Variants in ZSCAN25 observed in about 807,000 individuals in gnomAD.
The protein encoded by ZSCAN25 is zinc finger and SCAN domain containing 25.
In ZSCAN25, 27 loss-of-function variants were observed where a neutral mutation model predicts 38.7. The observed-to-expected ratio is 0.70, with a 90% CI of 0.51 to 0.96. ZSCAN25 has a LOEUF of 0.96. Ranked by LOEUF, ZSCAN25 falls within the 40% of genes least tolerant of loss-of-function variation. ZSCAN25 has a pLI of 0.00. For missense variants in ZSCAN25, 637 were observed against 705.9 expected (o/e 0.90, Z 1.11); for synonymous variants, 273 against 277.7 (o/e 0.98, Z 0.17).
the ZSCAN25 span, chr7:99,672,495 CCTT>C: frequency 1.7e-6 from 2 of 1,202,628 alleles, no homozygotes; most frequent in Non-Finnish European, 1.2e-6. Context: ...TTTTAGGTAA[CCTT>C]CTGTGAATAT....
At chr7:99,636,845 TGAA>T (rs1808304927), downstream of ZSCAN25, among the ~76,000 whole-genome samples, 1 of 152,204 alleles carries the variant, frequency 6.6e-6, no homozygotes, top group South Asian at 2.1e-4. Flanking sequence ...TGCTTACACA[TGAA>T]GAAAAATTAA....
chr7:99,658,701 C>T, the ZSCAN25 span: 35 of 152,344 alleles, frequency 2.3e-4, no homozygotes, highest in African/African-American at 6.5e-4. Context: ...CTATTCTCCC[C>T]GTCACTTTCA....
chr7:99,635,844 G>A (rs906867404), downstream of ZSCAN25, among the ~76,000 whole-genome samples: 21 of 151,900 alleles, frequency 1.4e-4, no homozygotes, highest in Admixed American at 8.5e-4. Flanking sequence ...TCAGGAGATC[G>A]AGACCATCCT....
At chr7:99,638,399 CTTG>C in the ZSCAN25 span, 6 of 1,593,218 alleles carry the variant, frequency 3.8e-6, no homozygotes, top group Middle Eastern at 3.3e-4. Context: ...GCAGGTCCTG[CTTG>C]TTGGTGAAGA....
At chr7:99,700,063 C>G in the ZSCAN25 span, 1 of 1,486,784 alleles carries the variant, frequency 6.7e-7, no homozygotes, top group Non-Finnish European at 9.4e-7. Flanking sequence ...ACTGTCTCCT[C>G]TGAGTCTTAC....
At chr7:99,676,417 TGAAAGCAGC>T in the ZSCAN25 span, 3 of 1,487,026 alleles carry the variant, frequency 2.0e-6, no homozygotes, top group Non-Finnish European at 2.7e-6. Context: ...AATGATTAGC[TGAAAGCAGC>T]TGAAGTCTTC....
At chr7:99,653,572 T>C in the ZSCAN25 span, among the ~76,000 whole-genome samples, 4 of 152,240 alleles carry the variant, frequency 2.6e-5, no homozygotes, top group African/African-American at 9.6e-5. The surrounding 1 kb of genome is among the most constrained non-coding windows in gnomAD (Gnocchi z 4.2). Flanking sequence ...ATTTGAGTTC[T>C]AGTTAAAGTT....
At chr7:99,660,793 G>T in the ZSCAN25 span, 12 of 1,061,072 alleles carry the variant, frequency 1.1e-5, no homozygotes, top group Admixed American at 5.1e-5. Flanking sequence ...ACTGGGAGTG[G>T]TTTTCATTCT....
downstream of ZSCAN25, among the ~76,000 whole-genome samples, chr7:99,636,688 T>C (rs778046816): frequency 3.3e-5 from 5 of 152,240 alleles, no homozygotes; most frequent in Non-Finnish European, 5.9e-5. Flanking sequence ...CTTAAGGCTA[T>C]ATAGGAGCCA....
At position 99,621,575 on chromosome 7, in the gene ZSCAN25, G is replaced by T; in HGVS notation, c.589+1G>T. 6.9e-7 allele frequency: 1 copy of T among 1,442,318 alleles called. No homozygotes were observed. The highest frequency in any genetic ancestry group is 9.2e-7 in the Non-Finnish European group (1 of 1,081,198). The allele number at this position is 1,442,318 out of a possible 1,614,324, so 89.3% of individuals were successfully genotyped here. A position where few individuals can be genotyped will look rare whatever the true frequency, so the allele number is the denominator to read the frequency against. ...GAGACACGGGCCTTCCAGGAGCAAGGTGAGTAAGACGCAGATAGTGGGGAT... is the reference window on the plus strand; with the variant it reads ...GAGACACGGGCCTTCCAGGAGCAAGTTGAGTAAGACGCAGATAGTGGGGAT... On this transcript the variant is annotated splice_donor_variant, in intron 5 of 7. Transcript: ENST00000394152. LOFTEE classifies it high-confidence loss of function.
chr7:99,708,917 C>A, the ZSCAN25 span: 1 of 1,225,034 alleles, frequency 8.2e-7, no homozygotes, highest in African/African-American at 1.5e-5. Context: ...TTGAAAAAAC[C>A]TTTTAAACAT....
chr7:99,662,861 GC>G, the ZSCAN25 span: 1 of 1,613,954 alleles, frequency 6.2e-7, no homozygotes, highest in African/African-American at 1.3e-5. This position sits in a 1 kb window ranked among gnomAD's most constrained non-coding sequence, Gnocchi z 4.3. Flanking sequence ...TCAATCATCA[GC>G]TGAAGGAAAT....
At chr7:99,674,417 T>C in the ZSCAN25 span, 1 of 694,496 alleles carries the variant, frequency 1.4e-6, no homozygotes, top group Non-Finnish European at 2.4e-6. Flanking sequence ...TCTCTCTGTT[T>C]GTATTTAGGT....
the ZSCAN25 span, chr7:99,685,103 C>T: frequency 6.8e-7 from 1 of 1,466,792 alleles, no homozygotes; most frequent in Admixed American, 1.7e-5. Context: ...TAGGTCACAG[C>T]TTTTTTGAAG....
the ZSCAN25 span, chr7:99,710,849 AATAAAG>A: frequency 1.9e-6 from 3 of 1,613,844 alleles, no homozygotes; most frequent in Non-Finnish European, 2.5e-6. Flanking sequence ...AGCCAGCAAA[AATAAAG>A]ATAATTGATT....
the ZSCAN25 span, among the ~76,000 whole-genome samples, chr7:99,727,110 C>T: frequency 8.5e-5 from 13 of 152,286 alleles, no homozygotes; most frequent in Non-Finnish European, 1.8e-4. Context: ...GAAGACAGCT[C>T]TAGAGGCTGT....
rs1029856941 is a variant in ZSCAN25 at position 99,625,862 on chromosome 7, C to T, written c.805+1682C>T. On this transcript the variant is annotated intron_variant, in intron 7 of 7. Coordinates refer to ENST00000394152, the MANE Select transcript of ZSCAN25 (RefSeq NM_145115.3). The stretch of plus-strand genomic sequence containing the variant: ...CAAGCCCATACCTGAACATTTCTGC[C>T]GCCAGGTGACACGAAGGCCTGTTTC... Among the ~76,000 whole-genome samples the T allele has an allele frequency of 5.3e-5, 8 of 152,202 alleles. 1 individual carries two copies. The highest frequency in any genetic ancestry group is 4.8e-5 in the African/African-American group (2 of 41,442).
the ZSCAN25 span, among the ~76,000 whole-genome samples, chr7:99,703,977 A>T: frequency 6.6e-6 from 1 of 152,124 alleles, no homozygotes; most frequent in Admixed American, 6.6e-5. Flanking sequence ...TGTGGCCACC[A>T]TCTGGCTGCC....
In ZSCAN25 at chr7:99,630,673, A is replaced by C. The variant is rs532684236; in HGVS notation, c.*653A>C. 2 of 985,504 alleles carry C rather than the reference A, an allele frequency of 2.0e-6. No individual in the cohort carries two copies. The highest frequency in any genetic ancestry group is 2.3e-4 in the East Asian group (2 of 8,808). The allele number at this position is 985,504 out of a possible 1,614,324, so 61.0% of individuals were successfully genotyped here. A position where few individuals can be genotyped will look rare whatever the true frequency, so the allele number is the denominator to read the frequency against. On this transcript the variant is annotated 3_prime_UTR_variant, in exon 8 of 8. Coordinates refer to ENST00000394152, the MANE Select transcript of ZSCAN25 (RefSeq NM_145115.3). ...CCCTCCCCAGCTGGGATCTGCTCCC[A>C]GGCAACTGTGTGAATTTTACATTAT...
Sources: gnomAD v4.1 joint callset for allele counts (sites outside exome capture counted in the v4.1 genomes callset) on GRCh38, gnomAD v4.1.1 for gene constraint, Gnocchi (gnomAD v3.1) non-coding constraint, MANE v1.5 for transcripts, NCBI Gene and HGNC (gene_info 2026-07-23, HGNC 2026-07-21) for gene names.